NCAPG2: variants seen among roughly 807,000 people sequenced by gnomAD.
NCAPG2 encodes the protein condensin-2 complex subunit G2.
A neutral mutation model predicts 141.1 loss-of-function variants in NCAPG2; 53 were observed. That is an observed-to-expected ratio of 0.38 (90% CI 0.30 to 0.47). The LOEUF (loss-of-function observed/expected upper bound fraction) is 0.47, where lower values mean the gene tolerates loss of function less well. Ranked by LOEUF, NCAPG2 falls within the 20% of genes least tolerant of loss-of-function variation. The pLI is 0.99. For synonymous variants in NCAPG2, 499 were observed against 490.7 expected, an observed-to-expected ratio of 1.02 and a Z score of -0.22; for missense variants, 1,087 against 1,389.0, an observed-to-expected ratio of 0.78 and a Z score of 3.46.
chr7:158,685,475 C>T (rs1226327477), intron 8 of NCAPG2, among the ~76,000 whole-genome samples: 1 of 152,194 alleles, frequency 6.6e-6, no homozygotes, highest in African/African-American at 2.4e-5. Context: ...TAGGACCTCC[C>T]TCAGAGACCA....
Position 158,631,225 on chromosome 7 carries a change from A to G in NCAPG2, c.*441T>C, listed in dbSNP as rs1829879610. 1 of 178,038 alleles carries G rather than the reference A, an allele frequency of 5.6e-6. No individual in the cohort carries two copies. The allele number at this position is 178,038 out of a possible 1,614,324, so 11.0% of individuals were successfully genotyped here. A position where few individuals can be genotyped will look rare whatever the true frequency, so the allele number is the denominator to read the frequency against. The stretch of plus-strand genomic sequence containing the variant: ...TTGAACTCCTGACCTCAAGTGATCT[A>G]TCTGCCTGCCTCAGCCTCCCAAAGT... On this transcript the variant is annotated 3_prime_UTR_variant, in exon 28 of 28. Coordinates refer to ENST00000356309, the MANE Select transcript of NCAPG2 (RefSeq NM_017760.7).
intron 4 of NCAPG2, among the ~76,000 whole-genome samples, chr7:158,692,334 A>ATAAAC (rs60426760): frequency 0.88 from 134,425 of 152,010 alleles, 59,505 homozygotes; most frequent in Admixed American, 0.93. Context: ...TATAAAATAA[A>ATAAAC]TAAGTATTCA....
chr7:158,646,484 A>G lies in NCAPG2; in HGVS notation c.3155T>C (p.Ile1052Thr). The G allele has an allele frequency of 6.3e-7, 1 of 1,598,844 alleles. No individual in the cohort carries two copies. The highest frequency in any genetic ancestry group is 8.5e-7 in the Non-Finnish European group (1 of 1,175,412). ...PPFSRCLIGI[I>T]IKSSNVVRSF... Reference sequence around the variant, plus strand: ...CCTGACCACATTCGAAGACTTTATTATTATTCCTATTAAACACCTTGAAAA... The same window carrying G: ...CCTGACCACATTCGAAGACTTTATTGTTATTCCTATTAAACACCTTGAAAA... The change falls in exon 25 of 28, where the codon ATA (isoleucine) becomes ACA (threonine). Residue 1052 changes from isoleucine to threonine, a missense_variant. By Grantham distance (89) the Ile-to-Thr change is moderately conservative. Coordinates refer to ENST00000356309, the MANE Select transcript of NCAPG2 (RefSeq NM_017760.7).
At chr7:158,690,010 C>A in intron 5 of NCAPG2, 57 bp from the exon 6 acceptor site, 2 of 1,302,906 alleles carry the variant, frequency 1.5e-6, no homozygotes, top group Admixed American at 3.1e-5. Context: ...AGTCATATTT[C>A]AAATCAAGTA....
Position 158,652,387 on chromosome 7 carries a change from A to G in NCAPG2, c.2840T>C (p.Val947Ala). Residue 947 changes from valine to alanine, a missense_variant, in exon 23 of 28, where the codon GTT (valine) becomes GCT (alanine). Val to Ala is a moderately conservative substitution (Grantham distance 64). Transcript: ENST00000356309. ...LIQKTDSDEE[V>A]AMLLDTVQKV... ...CTGGACTGTGTCCAACAGCATTGCA[A>G]CTTCTTCATCTGAATCTGTTTTCTG... 1 of 1,613,818 alleles carries G rather than the reference A, an allele frequency of 6.2e-7. No homozygotes were observed. Among genetic ancestry groups the G allele is most frequent in the Non-Finnish European group, 8.5e-7 (1 of 1,179,822 alleles).
At position 158,655,581 on chromosome 7, in the gene NCAPG2, C is replaced by T. The variant is rs1361704399; in HGVS notation, c.2389-126G>A. The T allele has an allele frequency of 1.0e-5, 6 of 581,860 alleles. No homozygotes were observed. In the East Asian group the frequency reaches 1.8e-4, roughly 18 times the overall value. The allele number at this position is 581,860 out of a possible 1,614,324, so 36.0% of individuals were successfully genotyped here. A position where few individuals can be genotyped will look rare whatever the true frequency, so the allele number is the denominator to read the frequency against. ...GAAAAGACCCCCGCTCTGGTGAAGC[C>T]CAGTGTCTGCTGACTCTGCACCCGG... On this transcript the variant is annotated intron_variant, in intron 19 of 27. Transcript: ENST00000356309.
chr7:158,693,293 G>T lies in NCAPG2; in HGVS notation c.267+16C>A. ...AAAGAGAAAAACGTTTCTTATTTTTGAAAAACAAATACTACCATTTTTGAG... is the reference window on the plus strand; with the variant it reads ...AAAGAGAAAAACGTTTCTTATTTTTTAAAAACAAATACTACCATTTTTGAG... On this transcript the variant is annotated intron_variant, in intron 3 of 27. Transcript: ENST00000356309. 1 of 1,584,984 alleles carries T rather than the reference G, an allele frequency of 6.3e-7. No homozygotes were observed. The highest frequency in any genetic ancestry group is 1.4e-5 in the African/African-American group (1 of 72,848).
chr7:158,667,432 C>T (rs1460866886), intron 13 of NCAPG2, among the ~76,000 whole-genome samples: 5 of 120,518 alleles, frequency 4.1e-5, no homozygotes, highest in African/African-American at 1.3e-4. Flanking sequence ...GGTCCCTCCG[C>T]CCTCCTTACC....
Position 158,658,362 on chromosome 7 carries a change from G to T in NCAPG2, c.2036C>A (p.Pro679Gln). 3 of 1,611,504 alleles carry T rather than the reference G, an allele frequency of 1.9e-6. No individual in the cohort carries two copies. The highest frequency in any genetic ancestry group is 2.5e-6 in the Non-Finnish European group (3 of 1,178,718). Reference protein sequence around the residue: ...IPLFMLMSFMPASAVPPFSCG... With the variant: ...IPLFMLMSFMQASAVPPFSCG... ...CCTGAATGGGGGGACAGCAGAGGCC[G>T]GCATAAAGGACATTAGCATGAATAA... The change falls in exon 17 of 28, where the codon CCG (proline) becomes CAG (glutamine). Residue 679 changes from proline (P) to glutamine (Q), a missense_variant. Pro to Gln is a moderately conservative substitution (Grantham distance 76). Coordinates refer to ENST00000356309, the MANE Select transcript of NCAPG2 (RefSeq NM_017760.7).
chr7:158,648,586 G>A (rs201637612), intron 24 of NCAPG2, among the ~76,000 whole-genome samples: 1 of 111,536 alleles, frequency 9.0e-6, no homozygotes. Flanking sequence ...CGACAACCAC[G>A]CCAAATGGAC....
chr7:158,668,230 GGTCCCTCTGCCCTCCTT>G, intron 13 of NCAPG2: 2 of 299,422 alleles, frequency 6.7e-6, no homozygotes, highest in African/African-American at 2.2e-4. Flanking sequence ...CCCACTACTG[GGTCCCTCTGCCCTCCTT>G]ACCCACTACT....
chr7:158,654,336 A>G (rs976958508), intron 22 of NCAPG2, among the ~76,000 whole-genome samples: 3 of 152,230 alleles, frequency 2.0e-5, no homozygotes, highest in Non-Finnish European at 4.4e-5. Context: ...AGGGAAAGTC[A>G]GCCTGGCAAC....
chr7:158,672,188 G>A (rs1833730844), intron 12 of NCAPG2, among the ~76,000 whole-genome samples: 1 of 151,338 alleles, frequency 6.6e-6, no homozygotes, highest in South Asian at 2.1e-4. Flanking sequence ...CTCCAGCACT[G>A]CTTAAGCTCT....
chr7:158,640,863 A>T (rs1285456713), intron 27 of NCAPG2: 1 of 152,202 alleles, frequency 6.6e-6, no homozygotes, highest in African/African-American at 2.4e-5. Context: ...TCAAAATAAT[A>T]ATAGCAACAA....
Position 158,635,760 on chromosome 7 carries a change from AG to A in NCAPG2, c.3381-4044del, listed in dbSNP as rs566328007. Reference sequence around the variant, plus strand: ...CAACAGAATACTAGCCCTGAAAACTAGATTAGTTGTTAAGAAAACGTGCACT... The same window carrying A: ...CAACAGAATACTAGCCCTGAAAACTAATTAGTTGTTAAGAAAACGTGCACT... On this transcript the variant is annotated intron_variant, in intron 27 of 27. Coordinates refer to ENST00000356309, the MANE Select transcript of NCAPG2 (RefSeq NM_017760.7). 4.3e-3 allele frequency among the ~76,000 whole-genome samples: 656 copies of A among 152,316 alleles called. 2 individuals are homozygous for A. Among genetic ancestry groups the A allele is most frequent in the Non-Finnish European group, 4.9e-3 (330 of 68,030 alleles).
intron 11 of NCAPG2, among the ~76,000 whole-genome samples, chr7:158,679,606 C>G (rs1042558508): frequency 1.3e-5 from 2 of 152,218 alleles, no homozygotes; most frequent in African/African-American, 4.8e-5. Flanking sequence ...GAGTGGTGGA[C>G]TCTGACCCCA....
intron 27 of NCAPG2, among the ~76,000 whole-genome samples, chr7:158,643,633 G>C (rs1434901472): frequency 6.6e-6 from 1 of 152,232 alleles, no homozygotes; most frequent in East Asian, 1.9e-4. Flanking sequence ...ATGGAGAGTG[G>C]TTTGTTTCCC....
chr7:158,650,079 A>G (rs1831366777), intron 24 of NCAPG2, among the ~76,000 whole-genome samples: 1 of 152,180 alleles, frequency 6.6e-6, no homozygotes, highest in African/African-American at 2.4e-5. Context: ...TTTGAGACGG[A>G]GTCTCGCCCT....
chr7:158,695,903 G>A (rs926773401), intron 2 of NCAPG2, among the ~76,000 whole-genome samples: 1 of 152,228 alleles, frequency 6.6e-6, no homozygotes, highest in African/African-American at 2.4e-5. Flanking sequence ...CCAGGATGAG[G>A]GGCCGGTGGG....
Sources: allele counts gnomAD v4.1 joint callset (sites outside exome capture counted in the v4.1 genomes callset), GRCh38; gene constraint gnomAD v4.1.1; transcripts MANE v1.5; gene names NCBI Gene and HGNC (gene_info 2026-07-23, HGNC 2026-07-21).